SPACA7: variants seen among roughly 807,000 people sequenced by gnomAD.
SPACA7 encodes sperm acrosome associated 7.
In SPACA7, 19 loss-of-function variants were observed where a neutral mutation model predicts 26.3. The ratio of observed to expected loss-of-function variants is 0.72; its 90% confidence interval spans 0.50 to 1.06. The LOEUF is 1.06. SPACA7 is among the 50% of genes least tolerant of loss of function. The pLI, the probability that SPACA7 is intolerant of heterozygous loss-of-function variation, is 0.00. For synonymous variants in SPACA7, 84 were observed against 84.5 expected (o/e 0.99, Z 0.04); for missense variants, 211 against 229.9 (o/e 0.92, Z 0.53).
At chr13:112,395,404 A>G (rs1475883368) in intron 2 of SPACA7, among the ~76,000 whole-genome samples, 1 of 152,082 alleles carries the variant, frequency 6.6e-6, no homozygotes, top group Non-Finnish European at 1.5e-5. Context: ...GACTTCCTGC[A>G]GGTCTTACTG....
At chr13:112,400,228 C>T (rs1284204365) in intron 4 of SPACA7, among the ~76,000 whole-genome samples, 1 of 152,132 alleles carries the variant, frequency 6.6e-6, no homozygotes, top group African/African-American at 2.4e-5. Context: ...ATCCATTACC[C>T]CAAAGAGTCC....
chr13:112,424,146 G>A (rs954757077), intron 5 of SPACA7, among the ~76,000 whole-genome samples: 12 of 152,192 alleles, frequency 7.9e-5, no homozygotes, highest in African/African-American at 2.2e-4. Context: ...TGGGTGAAGC[G>A]GAGCAGCCCC....
At chr13:112,386,050 A>G (rs1884504268) in intron 1 of SPACA7, among the ~76,000 whole-genome samples, 1 of 152,228 alleles carries the variant, frequency 6.6e-6, no homozygotes, top group Non-Finnish European at 1.5e-5. Flanking sequence ...GCCATTTTAT[A>G]CTGAACACTG....
chr13:112,377,458 C>T (rs1403887446), intron 1 of SPACA7, among the ~76,000 whole-genome samples: 8 of 152,122 alleles, frequency 5.3e-5, no homozygotes, highest in Admixed American at 1.3e-4. Context: ...CATGTATTCA[C>T]CCTCTAGTTC....
intron 2 of SPACA7, among the ~76,000 whole-genome samples, chr13:112,397,763 C>A (rs375350051): frequency 6.6e-6 from 1 of 152,234 alleles, no homozygotes; most frequent in East Asian, 1.9e-4. Context: ...CTTAGGACCA[C>A]GTGTGGGCCA....
chr13:112,422,909 T>G (rs537097732), intron 5 of SPACA7, among the ~76,000 whole-genome samples: 1 of 152,206 alleles, frequency 6.6e-6, no homozygotes, highest in Non-Finnish European at 1.5e-5. Context: ...TTCTGAATCA[T>G]CAGAATTGTC....
intron 5 of SPACA7, among the ~76,000 whole-genome samples, chr13:112,405,006 A>T: frequency 2.6e-5 from 3 of 117,546 alleles, no homozygotes; most frequent in East Asian, 2.5e-4. Context: ...TTTTTTTAAG[A>T]CAGTCTCGCT....
intron 6 of SPACA7, among the ~76,000 whole-genome samples, chr13:112,432,759 A>G (rs1877286428): frequency 6.6e-6 from 1 of 152,130 alleles, no homozygotes; most frequent in African/African-American, 2.4e-5. Flanking sequence ...TTTTCAGCTG[A>G]ATGGAACAGG....
At chr13:112,409,324 A>C (rs1412730607) in intron 5 of SPACA7, among the ~76,000 whole-genome samples, 1 of 152,244 alleles carries the variant, frequency 6.6e-6, no homozygotes, top group African/African-American at 2.4e-5. Context: ...TCAGGTCTAA[A>C]ACACCAAAAG....
chr13:112,411,918 T>A (rs994813178), intron 5 of SPACA7, among the ~76,000 whole-genome samples: 4 of 152,154 alleles, frequency 2.6e-5, no homozygotes, highest in Non-Finnish European at 5.9e-5. Context: ...AGTGTAGAGA[T>A]TTCTTTGATG....
intron 1 of SPACA7, among the ~76,000 whole-genome samples, chr13:112,392,533 T>C (rs1284208967): frequency 3.9e-5 from 6 of 152,186 alleles, no homozygotes; most frequent in Non-Finnish European, 1.5e-5. Flanking sequence ...AGCCACAGCA[T>C]TGCACAATGT....
At chr13:112,383,106 AAAAG>A (rs1566452746) in intron 1 of SPACA7, among the ~76,000 whole-genome samples, 129 of 22,882 alleles carry the variant, frequency 5.6e-3, no homozygotes, top group African/African-American at 0.011. Flanking sequence ...AAGAAGAAAG[AAAAG>A]AAAAGAAAAG....
chr13:112,413,226 T>C (rs907361215), intron 5 of SPACA7, among the ~76,000 whole-genome samples: 49 of 152,238 alleles, frequency 3.2e-4, no homozygotes, highest in African/African-American at 1.2e-4. Flanking sequence ...TTCTTTCAGA[T>C]TGAAGACTTC....
chr13:112,396,416 G>A (rs1594268505), intron 2 of SPACA7, among the ~76,000 whole-genome samples: 1 of 152,146 alleles, frequency 6.6e-6, no homozygotes, highest in African/African-American at 2.4e-5. Context: ...ATCTGCCCTT[G>A]GTGGAAGCTC....
At chr13:112,434,195 G>C (rs541038976) in intron 6 of SPACA7, among the ~76,000 whole-genome samples, 1 of 152,320 alleles carries the variant, frequency 6.6e-6, no homozygotes, top group South Asian at 2.1e-4. Flanking sequence ...GGAGGAGGAG[G>C]AGGACCAGTC....
intron 1 of SPACA7, 114 bp downstream of exon 1, chr13:112,376,593 T>G: frequency 6.1e-6 from 7 of 1,139,908 alleles, no homozygotes; most frequent in Non-Finnish European, 7.3e-6. Context: ...TACCATTTAT[T>G]CCTTGGGGAA....
intron 2 of SPACA7, among the ~76,000 whole-genome samples, chr13:112,395,110 G>A (rs936625857): frequency 6.6e-5 from 10 of 152,174 alleles, no homozygotes; most frequent in African/African-American, 2.4e-4. Context: ...TCACCATCAC[G>A]TGCAATTTCA....
intron 1 of SPACA7, among the ~76,000 whole-genome samples, chr13:112,386,106 C>T (rs1884507969): frequency 6.6e-6 from 1 of 152,232 alleles, no homozygotes; most frequent in Non-Finnish European, 1.5e-5. Flanking sequence ...CAGTGCAATG[C>T]TTCTACTGCG....
intron 2 of SPACA7, 37 bp from the exon 3 acceptor site, chr13:112,398,012 G>T (rs1425155960): frequency 6.7e-7 from 1 of 1,485,314 alleles, no homozygotes; most frequent in African/African-American, 1.4e-5. Context: ...AGCCCTGCAG[G>T]GCCGACTCTA....
Sources: allele counts gnomAD v4.1 joint callset (sites outside exome capture counted in the v4.1 genomes callset), GRCh38; gene constraint gnomAD v4.1.1; transcripts MANE v1.5; gene names NCBI Gene and HGNC (gene_info 2026-07-23, HGNC 2026-07-21).